SIN3A: variants seen among roughly 807,000 people sequenced by gnomAD.
The protein encoded by SIN3A is paired amphipathic helix protein Sin3a.
Under a neutral mutation model 146.1 loss-of-function variants are expected in SIN3A, and 14 were observed. That is an observed-to-expected ratio of 0.10 (90% CI 0.06 to 0.15). The LOEUF (loss-of-function observed/expected upper bound fraction) is 0.15. SIN3A is among the 10% of genes least tolerant of loss of function. The pLI, the probability that SIN3A is intolerant of heterozygous loss-of-function variation, is 1.00. For synonymous variants in SIN3A, 572 were observed against 572.0 expected, an observed-to-expected ratio of 1.00 and a Z score of 0.00; for missense variants, 1,028 against 1,576.0, an observed-to-expected ratio of 0.65 and a Z score of 5.89.
chr15:75,381,551 C>G, intron 18 of SIN3A, 62 bp downstream of exon 18: 1 of 1,305,452 alleles, frequency 7.7e-7, no homozygotes, highest in South Asian at 1.2e-5. Flanking sequence ...GGTCACTGGA[C>G]AGACTCTCAA....
rs1344538859 is a variant in SIN3A, at chr15:75,371,864, C to T, written c.*115G>A. 2.6e-5 allele frequency: 24 copies of T among 926,842 alleles called. No homozygotes were observed. The highest frequency in any genetic ancestry group is 4.0e-5 in the Non-Finnish European group (24 of 600,306). The allele number at this position is 926,842 out of a possible 1,614,324, so 57.4% of individuals were successfully genotyped here. On this transcript the variant is annotated 3_prime_UTR_variant, in exon 21 of 21. Coordinates refer to ENST00000394947, the MANE Select transcript of SIN3A (RefSeq NM_001145358.2). ...ACACACAGGTCAGGTGGCCATGTCC[C>T]AGAGAGGCCCAGTGAGGCTTGAAAG...
intron 3 of SIN3A, chr15:75,422,446 T>G: frequency 1.6e-6 from 1 of 642,584 alleles, no homozygotes; most frequent in Non-Finnish European, 2.8e-6. Context: ...CCACAAACAT[T>G]TGAGTATATT....
At chr15:75,453,218 G>C (rs1431174238), upstream of SIN3A, 1 of 152,480 alleles carries the variant, frequency 6.6e-6, no homozygotes, top group Non-Finnish European at 1.5e-5. Context: ...TCTGGCAGCA[G>C]GTGGGCCTGA....
intron 19 of SIN3A, among the ~76,000 whole-genome samples, chr15:75,379,697 T>C (rs2072929195): frequency 6.6e-6 from 1 of 152,256 alleles, no homozygotes; most frequent in Non-Finnish European, 1.5e-5. Context: ...ACTGGGATGA[T>C]ACTTTCTTGG....
rs998815771 is a variant in SIN3A at position 75,451,584 on chromosome 15, GGGAA to G, written c.-199_-196del. ...GGTCACAGGCTCCGGTGCCCAGACTGGGAAGGAGGGAGGGAGGGAGGGAGGGAAA... is the reference window on the plus strand; with the variant it reads ...GGTCACAGGCTCCGGTGCCCAGACTGGGAGGGAGGGAGGGAGGGAGGGAAA... On this transcript the variant is annotated 5_prime_UTR_variant, in exon 1 of 21. Coordinates refer to ENST00000394947, the MANE Select transcript of SIN3A (RefSeq NM_001145358.2). 2 of 149,154 alleles carry G rather than the reference GGGAA, an allele frequency of 1.3e-5. No homozygotes were observed. Among genetic ancestry groups the G allele is most frequent in the Non-Finnish European group, 3.0e-5 (2 of 67,124 alleles). 9.2% of individuals were successfully genotyped at this position (149,154 alleles called of 1,614,324 possible). A position where few individuals can be genotyped will look rare whatever the true frequency, so the allele number is the denominator to read the frequency against.
Position 75,392,552 on chromosome 15 carries a change from G to A in SIN3A, c.2541C>T (p.Ala847=). 8 of 1,613,990 alleles carry A rather than the reference G, an allele frequency of 5.0e-6. No individual in the cohort carries two copies. Among genetic ancestry groups the A allele is most frequent in the Non-Finnish European group, 5.9e-6 (7 of 1,180,028 alleles). ...CATTGTGCTTCTTAACTGCCCCTGTGGCTTCATCTACATCCATCTCTTCTT... is the reference window on the plus strand; with the variant it reads ...CATTGTGCTTCTTAACTGCCCCTGTAGCTTCATCTACATCCATCTCTTCTT... ...EEEEEMDVDE[A]TGAVKKHNGV... The change falls in exon 15 of 21, where the codon GCC becomes GCT. Residue 847 remains alanine, a synonymous_variant. Coordinates refer to ENST00000394947, the MANE Select transcript of SIN3A (RefSeq NM_001145358.2).
chr15:75,388,526 T>C (rs1351460999), intron 16 of SIN3A: 1 of 150,634 alleles, frequency 6.6e-6, no homozygotes, highest in East Asian at 2.0e-4. Context: ...TAGTACACCA[T>C]GTCCCTGTGG....
rs1195080243 is a variant in SIN3A, at chr15:75,396,645, C to A, written c.1855-149G>T. The A allele has an allele frequency of 2.1e-5, 13 of 610,228 alleles. No individual in the cohort carries two copies. The East Asian group carries it at 3.6e-4, about 17-fold the overall frequency. 37.8% of individuals were successfully genotyped at this position (610,228 alleles called of 1,614,324 possible). The stretch of plus-strand genomic sequence containing the variant: ...CTACATAAGACTGTTTCTTTATCAG[C>A]AAAATAGGGATAACAGCACCTATTA... On this transcript the variant is annotated intron_variant, in intron 12 of 20. Coordinates refer to ENST00000394947, the MANE Select transcript of SIN3A (RefSeq NM_001145358.2).
chr15:75,409,706 G>A (rs1456127047), intron 8 of SIN3A, 130 bp downstream of exon 8: 16 of 985,756 alleles, frequency 1.6e-5, no homozygotes, highest in South Asian at 6.6e-5. Flanking sequence ...CAGCTTGGGC[G>A]ACAGAGCGAG....
intron 3 of SIN3A, chr15:75,421,955 G>A (rs1323552028): frequency 6.6e-6 from 1 of 152,080 alleles, no homozygotes; most frequent in African/African-American, 2.4e-5. Context: ...TTCATTCACA[G>A]TTACAGTTTT....
At chr15:75,426,027 A>G (rs2073918347) in intron 2 of SIN3A, among the ~76,000 whole-genome samples, 1 of 152,240 alleles carries the variant, frequency 6.6e-6, no homozygotes, top group African/African-American at 2.4e-5. Context: ...ATGGGCTAGT[A>G]TTCTGAGCTT....
At chr15:75,380,891 G>C (rs767646904) in intron 18 of SIN3A, 168 bp from the exon 19 acceptor site, 3 of 561,330 alleles carry the variant, frequency 5.3e-6, no homozygotes, top group Non-Finnish European at 9.7e-6. Context: ...ATTGGAACAC[G>C]GATTAAAAAT....
At chr15:75,432,265 G>A (rs956845316) in intron 1 of SIN3A, among the ~76,000 whole-genome samples, 1 of 152,188 alleles carries the variant, frequency 6.6e-6, no homozygotes, top group African/African-American at 2.4e-5. Context: ...ATCACAGGTA[G>A]AGTAAAATGT....
At chr15:75,420,386 T>G (rs1457349213) in intron 3 of SIN3A, 4 of 152,164 alleles carry the variant, frequency 2.6e-5, no homozygotes, top group Middle Eastern at 3.2e-3. Flanking sequence ...TTTCTTTTTT[T>G]TTGTTTGTTT....
intron 3 of SIN3A, chr15:75,415,783 G>A (rs759489938): frequency 7.4e-5 from 12 of 162,596 alleles, no homozygotes; most frequent in Admixed American, 3.9e-4. Context: ...CCCAGGAGGC[G>A]GAGGTTGCGG....
At position 75,414,297 on chromosome 15, in the gene SIN3A, T is replaced by C. The variant is rs767972969; in HGVS notation, c.381A>G (p.Leu127=). ...QFQRLKVEDA[L]SYLDQVKLQF... ...GCAGCTTCACCTGGTCAAGATAAGA[T>C]AGCGCATCCTCCACCTGAGGCAGGG... Residue 127 remains leucine, a synonymous_variant, in exon 4 of 21, where the codon CTA becomes CTG. Transcript: ENST00000394947. The C allele has an allele frequency of 6.5e-5, 98 of 1,513,148 alleles. No homozygotes were observed. Among genetic ancestry groups the C allele is most frequent in the African/African-American group, 1.4e-4 (10 of 73,552 alleles). 93.7% of individuals were successfully genotyped at this position (1,513,148 alleles called of 1,614,324 possible). A position where few individuals can be genotyped will look rare whatever the true frequency, so the allele number is the denominator to read the frequency against.
rs2073695645 is a variant in SIN3A, at chr15:75,414,330, T to C, written c.367-19A>G. On this transcript the variant is annotated intron_variant, in intron 3 of 20. Transcript: ENST00000394947. ...CCTCCACCTGAGGCAGGGATAAATATCAAGGTTATAAAAAGAAAGTAAGCT... is the reference window on the plus strand; with the variant it reads ...CCTCCACCTGAGGCAGGGATAAATACCAAGGTTATAAAAAGAAAGTAAGCT... 1 of 1,355,024 alleles carries C rather than the reference T, an allele frequency of 7.4e-7. No individual in the cohort carries two copies. Among genetic ancestry groups the C allele is most frequent in the South Asian group, 1.8e-5 (1 of 54,796 alleles). 83.9% of individuals were successfully genotyped at this position (1,355,024 alleles called of 1,614,324 possible).
intron 1 of SIN3A, among the ~76,000 whole-genome samples, chr15:75,437,624 G>A (rs2074129819): frequency 2.0e-5 from 3 of 152,194 alleles, no homozygotes; most frequent in African/African-American, 7.2e-5. Context: ...CACGCTTGCA[G>A]AGGGGTACAG....
chr15:75,374,160 C>G (rs2072810199), intron 20 of SIN3A, among the ~76,000 whole-genome samples: 1 of 152,180 alleles, frequency 6.6e-6, no homozygotes, highest in South Asian at 2.1e-4. Context: ...TTGCTTACCC[C>G]CACATTTGAT....
Sources: gnomAD v4.1 joint callset for allele counts (sites outside exome capture counted in the v4.1 genomes callset) on GRCh38, gnomAD v4.1.1 for gene constraint, MANE v1.5 for transcripts, NCBI Gene and HGNC (gene_info 2026-07-23, HGNC 2026-07-21) for gene names.